The following OTOGL variants were observed in gnomAD, a reference collection of about 807,000 sequenced individuals.
OTOGL encodes the protein otogelin-like protein.
A neutral mutation model predicts 318.5 loss-of-function variants in OTOGL; 285 were observed. The observed-to-expected ratio is 0.89, with a 90% CI of 0.81 to 0.99. The LOEUF (loss-of-function observed/expected upper bound fraction) is 0.99, where lower values mean the gene tolerates loss of function less well. Ranked by LOEUF, OTOGL falls within the 50% of genes least tolerant of loss-of-function variation. The probability of loss-of-function intolerance (pLI) is 0.00; values close to 1 mark genes in which losing one functional copy is unlikely to be tolerated. For missense variants in OTOGL, 2,899 were observed against 2,845.6 expected (o/e 1.02, Z -0.43); for synonymous variants, 987 against 936.5 (o/e 1.05, Z -0.99).
intron 2 of OTOGL, 26 bp from the exon 3 acceptor site, chr12:80,210,821 C>A: frequency 7.2e-7 from 1 of 1,389,074 alleles, no homozygotes; most frequent in Non-Finnish European, 9.6e-7. Context: ...AATTTTTTTT[C>A]ATTCTTATAT....
At chr12:80,349,910 T>C (rs1220347843) in intron 44 of OTOGL, among the ~76,000 whole-genome samples, 1 of 152,236 alleles carries the variant, frequency 6.6e-6, no homozygotes, top group African/African-American at 2.4e-5. Context: ...ACAAATGCAT[T>C]ACCTCATGTG....
intron 1 of OTOGL, among the ~76,000 whole-genome samples, chr12:80,171,285 G>T (rs1442589505): frequency 6.6e-6 from 1 of 151,836 alleles, no homozygotes. Context: ...TCACTATGTT[G>T]CCCAGGCTGG....
intron 37 of OTOGL, among the ~76,000 whole-genome samples, chr12:80,330,412 A>G (rs1165383539): frequency 1.3e-5 from 2 of 152,216 alleles, no homozygotes. Context: ...TGAATTTAGT[A>G]TAGTTTAAAG....
At chr12:80,112,626 T>C (rs1456850547) in intron 1 of OTOGL, among the ~76,000 whole-genome samples, 2 of 152,166 alleles carry the variant, frequency 1.3e-5, no homozygotes, top group Non-Finnish European at 2.9e-5. Flanking sequence ...CTTTTTGATG[T>C]GTTGCTGGAT....
At chr12:80,219,314 G>A (rs1878057209) in intron 5 of OTOGL, among the ~76,000 whole-genome samples, 2 of 152,166 alleles carry the variant, frequency 1.3e-5, no homozygotes, top group Non-Finnish European at 2.9e-5. Context: ...GTTTCACCAC[G>A]TTGGCCAGGC....
chr12:80,225,426 G>T (rs1878745432), intron 7 of OTOGL, among the ~76,000 whole-genome samples: 1 of 151,986 alleles, frequency 6.6e-6, no homozygotes. Flanking sequence ...CTTGTTTTGA[G>T]TAGTAAAATT....
At chr12:80,217,875 T>A (rs1033969363) in intron 5 of OTOGL, among the ~76,000 whole-genome samples, 3 of 152,228 alleles carry the variant, frequency 2.0e-5, no homozygotes, top group Admixed American at 2.0e-4. Context: ...ACAAACCTGA[T>A]AACTGCATGA....
chr12:80,158,098 C>T (rs903189943), intron 1 of OTOGL, among the ~76,000 whole-genome samples: 3 of 151,802 alleles, frequency 2.0e-5, no homozygotes, highest in Non-Finnish European at 2.9e-5. Context: ...GCTTATAAAC[C>T]TTTATTCACA....
At chr12:80,328,212 A>G (rs920673224) in intron 35 of OTOGL, among the ~76,000 whole-genome samples, 5 of 151,512 alleles carry the variant, frequency 3.3e-5, no homozygotes, top group African/African-American at 7.3e-5. Context: ...CAAGCTACTC[A>G]GGAGGCTGAG....
In OTOGL at chr12:80,345,078, A is replaced by G. The variant is rs1889085651; in HGVS notation, c.5265+2916A>G. The stretch of plus-strand genomic sequence containing the variant: ...TTATATTTTATATATTATAATATAT[A>G]TTATTATATGTTATATTTTATATAT... On this transcript the variant is annotated intron_variant, in intron 44 of 58. Coordinates refer to ENST00000547103, the MANE Select transcript of OTOGL (RefSeq NM_001378609.3). 2.4e-5 allele frequency among the ~76,000 whole-genome samples: 2 copies of G among 84,388 alleles called. 1 individual carries two copies. The highest frequency in any genetic ancestry group is 4.8e-5 in the Non-Finnish European group (2 of 41,482). The allele number at this position is 84,388 out of a possible 152,430, so 55.4% of individuals were successfully genotyped here. A position where few individuals can be genotyped will look rare whatever the true frequency, so the allele number is the denominator to read the frequency against.
At chr12:80,343,587 G>C (rs973640482) in intron 44 of OTOGL, 4 of 128,216 alleles carry the variant, frequency 3.1e-5, no homozygotes, top group African/African-American at 1.2e-4. Context: ...GTTCTAGCAG[G>C]GGAGTGCTGC....
At chr12:80,349,838 T>C (rs1889431358) in intron 44 of OTOGL, among the ~76,000 whole-genome samples, 1 of 152,228 alleles carries the variant, frequency 6.6e-6, no homozygotes, top group Non-Finnish European at 1.5e-5. Context: ...ATGTGTTTAC[T>C]GTGTACAACG....
chr12:80,171,331 C>T (rs1382667163), intron 1 of OTOGL, among the ~76,000 whole-genome samples: 5 of 152,132 alleles, frequency 3.3e-5, no homozygotes, highest in Non-Finnish European at 5.9e-5. Context: ...CCTCCCACCT[C>T]AGCCTCCCAA....
chr12:80,275,585 G>A (rs181581337), intron 24 of OTOGL, among the ~76,000 whole-genome samples: 5 of 151,976 alleles, frequency 3.3e-5, no homozygotes, highest in South Asian at 2.1e-4. Context: ...GGTTTAAGAC[G>A]ACTGACTGCA....
chr12:80,167,828 T>A (rs1873923655), intron 1 of OTOGL, among the ~76,000 whole-genome samples: 1 of 145,360 alleles, frequency 6.9e-6, no homozygotes, highest in African/African-American at 2.8e-5. Context: ...CGGAAAAAAA[T>A]GGAAAATAAG....
intron 7 of OTOGL, among the ~76,000 whole-genome samples, chr12:80,225,367 CA>C (rs1328003727): frequency 1.3e-5 from 2 of 152,068 alleles, no homozygotes; most frequent in Non-Finnish European, 2.9e-5. Context: ...TAGTAACACA[CA>C]ATGCTGAACT....
chr12:80,175,444 G>A (rs556649691), intron 1 of OTOGL, among the ~76,000 whole-genome samples: 21 of 152,268 alleles, frequency 1.4e-4, no homozygotes, highest in African/African-American at 4.8e-4. Context: ...TGGTCCAAGT[G>A]AATTTACTGA....
chr12:80,127,893 G>C (rs957065944), intron 1 of OTOGL, among the ~76,000 whole-genome samples: 1 of 152,142 alleles, frequency 6.6e-6, no homozygotes, highest in Non-Finnish European at 1.5e-5. Flanking sequence ...AGCTCCATCA[G>C]GTCCTTTAAG....
At chr12:80,190,559 G>A (rs1875604085) in intron 1 of OTOGL, among the ~76,000 whole-genome samples, 1 of 151,720 alleles carries the variant, frequency 6.6e-6, no homozygotes, top group African/African-American at 2.4e-5. Flanking sequence ...AGGCTGAGGC[G>A]GGTGGATCAC....
Sources: allele counts gnomAD v4.1 joint callset (sites outside exome capture counted in the v4.1 genomes callset), GRCh38; gene constraint gnomAD v4.1.1; transcripts MANE v1.5; gene names NCBI Gene and HGNC (gene_info 2026-07-23, HGNC 2026-07-21).